ARFIP1: variants seen among roughly 807,000 people sequenced by gnomAD.
The protein encoded by ARFIP1 is ARF interacting protein 1, also known as arfaptin-1.
A neutral mutation model predicts 42.5 loss-of-function variants in ARFIP1; 24 were observed. The ratio of observed to expected loss-of-function variants is 0.57; its 90% confidence interval spans 0.41 to 0.80. The LOEUF is 0.80. Ranked by LOEUF, ARFIP1 falls within the 30% of genes least tolerant of loss-of-function variation. The pLI, the probability that ARFIP1 is intolerant of heterozygous loss-of-function variation, is 0.00. For missense variants in ARFIP1, 354 were observed against 434.0 expected (o/e 0.82, Z 1.64); for synonymous variants, 141 against 153.7 (o/e 0.92, Z 0.61).
chr4:152,790,405 A>G (rs1255868407), intron 1 of ARFIP1, among the ~76,000 whole-genome samples: 6 of 152,336 alleles, frequency 3.9e-5, no homozygotes, highest in African/African-American at 1.2e-4. Flanking sequence ...TGAGCCATCT[A>G]TGAAGAATGA....
At chr4:152,808,454 T>G (rs1362114489) in intron 1 of ARFIP1, among the ~76,000 whole-genome samples, 1 of 151,722 alleles carries the variant, frequency 6.6e-6, no homozygotes, top group Non-Finnish European at 1.5e-5. Flanking sequence ...TTCTTGTACT[T>G]GCCTTTTAAT....
chr4:152,802,992 C>T (rs1438331580), intron 1 of ARFIP1, among the ~76,000 whole-genome samples: 2 of 152,128 alleles, frequency 1.3e-5, no homozygotes, highest in African/African-American at 4.8e-5. Flanking sequence ...TGGGCAGCTA[C>T]AGAAAAGGCT....
chr4:152,837,286 A>G (rs1731730540), intron 2 of ARFIP1, among the ~76,000 whole-genome samples: 1 of 152,208 alleles, frequency 6.6e-6, no homozygotes, highest in African/African-American at 2.4e-5. Context: ...CTCTGGCTAG[A>G]TACCCAGGAG....
rs903276929 is a variant in ARFIP1 at position 152,873,899 on chromosome 4, A to G, written c.411+1335A>G. Among the ~76,000 whole-genome samples the G allele has an allele frequency of 2.0e-5, 3 of 152,068 alleles. No homozygotes were observed. In the South Asian group the frequency reaches 6.2e-4, roughly 31 times the overall value. ...CTCTGTCTCTGCCTCTTTTCTATCT[A>G]TGGATCAAGTGATTCATACCAAATT... On this transcript the variant is annotated intron_variant, in intron 5 of 8. Coordinates refer to ENST00000353617, the MANE Select transcript of ARFIP1 (RefSeq NM_001025595.3).
intron 3 of ARFIP1, among the ~76,000 whole-genome samples, chr4:152,867,723 C>A (rs1196810313): frequency 6.6e-6 from 1 of 152,090 alleles, no homozygotes; most frequent in African/African-American, 2.4e-5. Context: ...ATCAGTTTCA[C>A]TTGCTTATAG....
chr4:152,819,943 A>G (rs1215239372), intron 1 of ARFIP1, among the ~76,000 whole-genome samples: 2 of 152,044 alleles, frequency 1.3e-5, no homozygotes, highest in Non-Finnish European at 2.9e-5. Flanking sequence ...ACATAGGAGG[A>G]GTGCCTTCCA....
chr4:152,882,932 C>G, intron 7 of ARFIP1, 52 bp downstream of exon 7: 11 of 1,540,052 alleles, frequency 7.1e-6, no homozygotes, highest in Non-Finnish European at 9.6e-6. Context: ...GCATATAATT[C>G]AGTTAATTTT....
chr4:152,888,286 G>GA lies in ARFIP1; in HGVS notation c.948dup (p.Phe317IlefsTer6). On this transcript the variant is annotated frameshift_variant, in exon 8 of 9. Coordinates refer to ENST00000353617, the MANE Select transcript of ARFIP1 (RefSeq NM_001025595.3). LOFTEE classifies it high-confidence loss of function. ...TGCGCAATGATGTTTCTGTCAAATT[G>GA]AAATTTCTAGAAGAAAATAAGGTAA... 2 of 1,604,200 alleles carry GA rather than the reference G, an allele frequency of 1.2e-6. No homozygotes were observed. The highest frequency in any genetic ancestry group is 1.7e-6 in the Non-Finnish European group (2 of 1,175,680).
rs139612969 is a variant in ARFIP1 at position 152,872,074 on chromosome 4, A to T, written c.299-378A>T. 5.3e-3 allele frequency among the ~76,000 whole-genome samples: 809 copies of T among 152,240 alleles called. 8 individuals carry two copies. Among genetic ancestry groups the T allele is most frequent in the South Asian group, 0.014 (66 of 4,832 alleles). ...CTGTGGGGAATACGTGGCCTTTTAGATTTTTATCGACCAAGATACTTCTTT... is the reference window on the plus strand; with the variant it reads ...CTGTGGGGAATACGTGGCCTTTTAGTTTTTTATCGACCAAGATACTTCTTT... On this transcript the variant is annotated intron_variant, in intron 4 of 8. Transcript: ENST00000353617.
intron 2 of ARFIP1, among the ~76,000 whole-genome samples, chr4:152,862,939 T>G (rs1009826984): frequency 6.6e-6 from 1 of 152,204 alleles, no homozygotes; most frequent in African/African-American, 2.4e-5. Flanking sequence ...AAAAAAAACT[T>G]AGAATATACT....
intron 1 of ARFIP1, among the ~76,000 whole-genome samples, chr4:152,810,594 G>C (rs571682492): frequency 1.3e-3 from 192 of 151,954 alleles, no homozygotes; most frequent in African/African-American, 4.3e-3. Flanking sequence ...GGATCATGAG[G>C]TCAGGAGATC....
intron 1 of ARFIP1, among the ~76,000 whole-genome samples, chr4:152,794,532 G>A (rs926471707): frequency 6.6e-6 from 1 of 152,146 alleles, no homozygotes; most frequent in African/African-American, 2.4e-5. Flanking sequence ...TGAGTGTGTT[G>A]TTTTTACACT....
intron 2 of ARFIP1, among the ~76,000 whole-genome samples, chr4:152,863,296 T>C (rs1734035540): frequency 6.6e-6 from 1 of 152,220 alleles, no homozygotes; most frequent in South Asian, 2.1e-4. Flanking sequence ...ATTTTGCTCA[T>C]TAAAATAATT....
chr4:152,781,757 T>C (rs1202467798), intron 1 of ARFIP1, among the ~76,000 whole-genome samples: 1 of 152,258 alleles, frequency 6.6e-6, no homozygotes, highest in Admixed American at 6.5e-5. Flanking sequence ...AATCCCTGCC[T>C]CAGTTACTTT....
intron 1 of ARFIP1, among the ~76,000 whole-genome samples, chr4:152,790,955 C>G (rs1731117234): frequency 6.6e-6 from 1 of 151,392 alleles, no homozygotes; most frequent in Non-Finnish European, 1.5e-5. Flanking sequence ...CCAGGCTGAT[C>G]TTGAACTCCT....
intron 1 of ARFIP1, among the ~76,000 whole-genome samples, chr4:152,813,034 C>T (rs375531844): frequency 8.5e-4 from 129 of 152,324 alleles, no homozygotes; most frequent in East Asian, 4.8e-3. Flanking sequence ...TCCCACCAGG[C>T]TGTTTAAAAT....
At chr4:152,798,716 C>CT (rs1387036936) in intron 1 of ARFIP1, among the ~76,000 whole-genome samples, 1 of 152,100 alleles carries the variant, frequency 6.6e-6, no homozygotes, top group African/African-American at 2.4e-5. Context: ...GTGTCTGGTA[C>CT]TTATTTGTGT....
chr4:152,825,675 A>G (rs1168621253), intron 1 of ARFIP1, among the ~76,000 whole-genome samples: 2 of 152,252 alleles, frequency 1.3e-5, no homozygotes, highest in Non-Finnish European at 2.9e-5. Context: ...CAAGAAAAAC[A>G]AAGATAAATA....
intron 1 of ARFIP1, among the ~76,000 whole-genome samples, chr4:152,807,761 A>G (rs1381730497): frequency 1.3e-5 from 2 of 151,348 alleles, no homozygotes; most frequent in Non-Finnish European, 2.9e-5. Context: ...TTTAATTTTA[A>G]TGAGGTCCAG....
Sources: allele counts gnomAD v4.1 joint callset (sites outside exome capture counted in the v4.1 genomes callset), GRCh38; gene constraint gnomAD v4.1.1; transcripts MANE v1.5; gene names NCBI Gene and HGNC (gene_info 2026-07-23, HGNC 2026-07-21).